The following SMIM22 variants were observed in gnomAD, a reference collection of about 807,000 sequenced individuals.
The protein encoded by SMIM22 is small integral membrane protein 22, also known as cancer associated small integral membrane open reading frame 1.
Under a neutral mutation model 8.4 loss-of-function variants are expected in SMIM22, and 16 were observed. That is an observed-to-expected ratio of 1.90 (90% CI 1.29 to 2.89). The LOEUF (loss-of-function observed/expected upper bound fraction) is 2.89, where lower values mean the gene tolerates loss of function less well. Among genes scored for constraint, SMIM22 ranks in the 30% most tolerant of loss-of-function variants. The pLI is 0.00. For missense variants in SMIM22, 159 were observed against 107.5 expected, an observed-to-expected ratio of 1.48 and a Z score of -2.12; for synonymous variants, 67 against 47.6, an observed-to-expected ratio of 1.41 and a Z score of -1.68.
upstream of SMIM22, among the ~76,000 whole-genome samples, chr16:4,793,508 A>G (rs1715060988): frequency 6.6e-6 from 1 of 152,200 alleles, no homozygotes; most frequent in African/African-American, 2.4e-5. Flanking sequence ...GGAATAAACC[A>G]GGTGACACAG....
At chr16:4,792,405 T>G (rs1397501189), upstream of SMIM22, among the ~76,000 whole-genome samples, 1 of 149,982 alleles carries the variant, frequency 6.7e-6, no homozygotes, top group Admixed American at 6.6e-5. Context: ...TTAGCCAGGA[T>G]GGTCTCGATC....
upstream of SMIM22, among the ~76,000 whole-genome samples, chr16:4,791,398 C>T (rs2082548905): frequency 6.6e-6 from 1 of 152,188 alleles, no homozygotes; most frequent in African/African-American, 2.4e-5. Flanking sequence ...GCATTCAGTG[C>T]ACGTTTCTGT....
intron 2 of SMIM22, 40 bp downstream of exon 2, chr16:4,795,898 G>A (rs756498073): frequency 3.9e-6 from 6 of 1,531,958 alleles, no homozygotes; most frequent in African/African-American, 1.4e-5. Context: ...CCAGCCCCCT[G>A]CCCTGGGCTC....
chr16:4,791,415 T>C (rs2082549086), upstream of SMIM22, among the ~76,000 whole-genome samples: 1 of 152,186 alleles, frequency 6.6e-6, no homozygotes, highest in Admixed American at 6.6e-5. Flanking sequence ...CTGTGAGCCT[T>C]CCATCATGCT....
chr16:4,795,952 C>A lies in SMIM22; in HGVS notation c.129C>A (p.Thr43=). ...AFIVFLTFMG[T]VLLLLLLVVA... is the part of the protein sequence containing the mutation. The stretch of plus-strand genomic sequence containing the variant: ...GGACGCCTGTCCTGTCCCCAGGCAC[C>A]GTGCTGCTCCTGCTGCTGCTGGTCG... The change falls in exon 3 of 4, where the codon ACC becomes ACA. Residue 43 remains threonine (T), a synonymous_variant. Coordinates refer to ENST00000586005, the MANE Select transcript of SMIM22 (RefSeq NM_001253794.2). 1 of 1,506,288 alleles carries A rather than the reference C, an allele frequency of 6.6e-7. No individual in the cohort carries two copies. Among genetic ancestry groups the A allele is most frequent in the Non-Finnish European group, 8.8e-7 (1 of 1,130,866 alleles). The allele number at this position is 1,506,288 out of a possible 1,614,324, so 93.3% of individuals were successfully genotyped here.
upstream of SMIM22, among the ~76,000 whole-genome samples, chr16:4,793,878 G>A (rs1250951626): frequency 6.6e-5 from 10 of 152,148 alleles, no homozygotes; most frequent in African/African-American, 1.7e-4. Context: ...CTGGGTTCAA[G>A]CGATTCTCCT....
At chr16:4,792,692 T>G (rs1401733119), upstream of SMIM22, among the ~76,000 whole-genome samples, 1 of 150,564 alleles carries the variant, frequency 6.6e-6, no homozygotes, top group Non-Finnish European at 1.5e-5. Context: ...ATCCCAGTGA[T>G]TCGGGAGGCC....
In SMIM22 at chr16:4,795,995, T is replaced by TGCA; in HGVS notation, c.175_177dup (p.Ser60dup). The TGCA allele has an allele frequency of 6.6e-7, 1 of 1,508,540 alleles. No individual in the cohort carries two copies. Among genetic ancestry groups the TGCA allele is most frequent in the Non-Finnish European group, 8.8e-7 (1 of 1,133,070 alleles). The allele number at this position is 1,508,540 out of a possible 1,614,324, so 93.4% of individuals were successfully genotyped here. A position where few individuals can be genotyped will look rare whatever the true frequency, so the allele number is the denominator to read the frequency against. On this transcript the variant is annotated inframe_insertion, in exon 3 of 4. Transcript: ENST00000586005. Reference sequence around the variant, plus strand: ...GCTGGTCGTCGCCCACTGCTGCTGCTGCAGCTCCCCCGGGCCCCGCAGGGA... The same window carrying TGCA: ...GCTGGTCGTCGCCCACTGCTGCTGCTGCAGCAGCTCCCCCGGGCCCCGCAGGGA...
At chr16:4,791,588 G>C (rs899906368), upstream of SMIM22, among the ~76,000 whole-genome samples, 16 of 152,092 alleles carry the variant, frequency 1.1e-4, no homozygotes, top group Admixed American at 7.9e-4. Context: ...GCATGCAATC[G>C]AACCTGGGTC....
upstream of SMIM22, among the ~76,000 whole-genome samples, chr16:4,791,383 A>G (rs1040025634): frequency 1.3e-5 from 2 of 152,212 alleles, no homozygotes; most frequent in African/African-American, 2.4e-5. Flanking sequence ...CGATAATAGC[A>G]CAGGGCATTC....
At chr16:4,793,065 C>T (rs1005603452), upstream of SMIM22, among the ~76,000 whole-genome samples, 5 of 148,044 alleles carry the variant, frequency 3.4e-5, no homozygotes, top group African/African-American at 1.0e-4. Flanking sequence ...GCCGAGATGG[C>T]GCCACTGCAC....
At chr16:4,794,636 C>T (rs1031332553), upstream of SMIM22, among the ~76,000 whole-genome samples, 4 of 152,050 alleles carry the variant, frequency 2.6e-5, no homozygotes, top group South Asian at 4.2e-4. Flanking sequence ...GTCAGTCAGG[C>T]TGGTCTCAAA....
Position 4,796,328 on chromosome 16 carries a change from G to C in SMIM22, c.*97G>C, listed in dbSNP as rs894087433. On this transcript the variant is annotated 3_prime_UTR_variant, in exon 4 of 4. Transcript: ENST00000586005. ...CAGTCCCCGTCTGGGTGGGTGACGC[G>C]GGACTCGCCGCCCCACTCAGGTGGC... 8 of 1,426,574 alleles carry C rather than the reference G, an allele frequency of 5.6e-6. No individual in the cohort carries two copies. In the East Asian group the frequency reaches 1.7e-4, roughly 31 times the overall value. The allele number at this position is 1,426,574 out of a possible 1,614,324, so 88.4% of individuals were successfully genotyped here.
chr16:4,792,919 G>C (rs567845763), upstream of SMIM22, among the ~76,000 whole-genome samples: 2 of 151,848 alleles, frequency 1.3e-5, no homozygotes, highest in East Asian at 3.9e-4. Context: ...AGACCAGCCT[G>C]GCCAACATGG....
At chr16:4,793,811 C>G (rs2082591568), upstream of SMIM22, among the ~76,000 whole-genome samples, 1 of 152,226 alleles carries the variant, frequency 6.6e-6, no homozygotes, top group Non-Finnish European at 1.5e-5. Flanking sequence ...GAGTCTTGCT[C>G]TGTCACCCAC....
chr16:4,791,401 G>A (rs558419516), upstream of SMIM22, among the ~76,000 whole-genome samples: 5 of 152,312 alleles, frequency 3.3e-5, no homozygotes, highest in South Asian at 2.1e-4. Context: ...TTCAGTGCAC[G>A]TTTCTGTGAG....
chr16:4,796,472 C>T lies in SMIM22; in HGVS notation c.*241C>T. The T allele has an allele frequency of 1.9e-6, 1 of 530,960 alleles. No homozygotes were observed. The highest frequency in any genetic ancestry group is 3.4e-6 in the Non-Finnish European group (1 of 297,158). The allele number at this position is 530,960 out of a possible 1,614,324, so 32.9% of individuals were successfully genotyped here. A position where few individuals can be genotyped will look rare whatever the true frequency, so the allele number is the denominator to read the frequency against. The stretch of plus-strand genomic sequence containing the variant: ...GTGGCTCACACCTATAATCCCAGCA[C>T]TTTGGGAGGCCGAGGTGGGCGGATC... On this transcript the variant is annotated 3_prime_UTR_variant, in exon 4 of 4. Coordinates refer to ENST00000586005, the MANE Select transcript of SMIM22 (RefSeq NM_001253794.2).
chr16:4,796,185 T>C lies in SMIM22; in HGVS notation c.226-5T>C, dbSNP rs1401554392. 6 of 1,536,004 alleles carry C rather than the reference T, an allele frequency of 3.9e-6. No homozygotes were observed. Among genetic ancestry groups the C allele is most frequent in the Admixed American group, 2.0e-5 (1 of 50,994 alleles). On this transcript the variant is annotated splice_region_variant and splice_polypyrimidine_tract_variant and intron_variant, in intron 3 of 3. Transcript: ENST00000586005. ...CTGCTTGGTCCCGCTGTGCTTCTCG[T>C]GCAGGAAAGACCCAAGGGAGTGGAT...
intron 2 of SMIM22, chr16:4,790,065 G>A (rs1484703099): frequency 1.3e-5 from 2 of 151,972 alleles, no homozygotes; most frequent in East Asian, 3.9e-4. Flanking sequence ...CAGGTACGTA[G>A]ACCATGCTGG....
Sources: allele counts gnomAD v4.1 joint callset (sites outside exome capture counted in the v4.1 genomes callset), GRCh38; gene constraint gnomAD v4.1.1; transcripts MANE v1.5; gene names NCBI Gene and HGNC (gene_info 2026-07-23, HGNC 2026-07-21).